Variants in FREM2 observed in about 807,000 individuals in gnomAD.
FREM2 encodes the protein FRAS1-related extracellular matrix protein 2.
A neutral mutation model predicts 219.9 loss-of-function variants in FREM2; 119 were observed. The ratio of observed to expected loss-of-function variants is 0.54; its 90% CI spans 0.47 to 0.63. The LOEUF (loss-of-function observed/expected upper bound fraction) is 0.63. Among genes scored for constraint, FREM2 ranks in the 30% least tolerant of loss-of-function variants. The pLI is 0.00. For synonymous variants in FREM2, 1,562 were observed against 1,522.8 expected (o/e 1.03, Z -0.60); for missense variants, 4,030 against 3,993.6 (o/e 1.01, Z -0.25).
chr13:38,814,450 T>A (rs890146518), intron 6 of FREM2, among the ~76,000 whole-genome samples: 27 of 152,270 alleles, frequency 1.8e-4, no homozygotes, highest in African/African-American at 6.3e-4. Context: ...CCAGAGCAGT[T>A]CTCTGGATTA....
rs1388137785 is a variant in FREM2, at chr13:38,846,697, G to A, written c.6144G>A (p.Arg2048=). ...CTTCTAGTGTCACAGTGAGGTCTCG[G>A]AAAACAGATCCTCCCTCTGCAGATG... ...SKSSSVTVRS[R]KTDPPSADAG... The change falls in exon 7 of 24, where the codon CGG becomes CGA. Residue 2048 remains arginine (R), a synonymous_variant. Coordinates refer to ENST00000280481, the MANE Select transcript of FREM2 (RefSeq NM_207361.6). 1.9e-6 allele frequency: 3 copies of A among 1,613,774 alleles called. No individual in the cohort carries two copies. Among genetic ancestry groups the A allele is most frequent in the Non-Finnish European group, 2.5e-6 (3 of 1,179,772 alleles).
In FREM2 at chr13:38,687,853, T is replaced by C; in HGVS notation, c.509T>C (p.Leu170Pro). Reference sequence around the variant, plus strand: ...GGGGCAGTAGTGCTACCACTGGTACTGGAGGTGGAGGTGGTCTTCACCCAG... The same window carrying C: ...GGGGCAGTAGTGCTACCACTGGTACCGGAGGTGGAGGTGGTCTTCACCCAG... ...PGGAVVLPLV[L>P]EVEVVFTQLE... is the part of the protein sequence containing the mutation. The change falls in exon 1 of 24, where the codon CTG (leucine) becomes CCG (proline). Residue 170 changes from leucine to proline, a missense_variant. By Grantham distance (98) the Leu-to-Pro change is moderately conservative (BLOSUM62 -3). Transcript: ENST00000280481. 3 of 1,563,248 alleles carry C rather than the reference T, an allele frequency of 1.9e-6. No homozygotes were observed. The highest frequency in any genetic ancestry group is 2.6e-6 in the Non-Finnish European group (3 of 1,150,254).
chr13:38,870,229 T>C (rs1878112131), intron 16 of FREM2, among the ~76,000 whole-genome samples: 1 of 152,216 alleles, frequency 6.6e-6, no homozygotes, highest in Non-Finnish European at 1.5e-5. Flanking sequence ...ACTGATACTC[T>C]TTTATATGTA....
intron 1 of FREM2, among the ~76,000 whole-genome samples, chr13:38,695,756 G>A (rs1310089967): frequency 6.6e-6 from 1 of 152,150 alleles, no homozygotes; most frequent in East Asian, 1.9e-4. Flanking sequence ...AAAGAGTTGT[G>A]TAGGGGCTTC....
At chr13:38,879,571 G>A (rs1045694268) in intron 23 of FREM2, among the ~76,000 whole-genome samples, 11 of 152,210 alleles carry the variant, frequency 7.2e-5, no homozygotes, top group African/African-American at 2.2e-4. Context: ...CGAAGCAAGT[G>A]CGGCTTTTAG....
chr13:38,811,285 ATTC>A, intron 6 of FREM2, among the ~76,000 whole-genome samples: 1 of 151,840 alleles, frequency 6.6e-6, no homozygotes, highest in South Asian at 2.1e-4. Context: ...TGTGTATTAT[ATTC>A]TTCATTTCAA....
chr13:38,723,552 G>C lies in FREM2; in HGVS notation c.5263+25765G>C, dbSNP rs114122354. 6.1e-3 allele frequency among the ~76,000 whole-genome samples: 929 copies of C among 152,216 alleles called. 10 individuals carry two copies. The highest frequency in any genetic ancestry group is 0.021 in the African/African-American group (869 of 41,518). ...AAAGATTTTTAGGATCCTTGCTGTG[G>C]GGGGTGCATGACATAATTGTCTCTT... On this transcript the variant is annotated intron_variant, in intron 2 of 23. Coordinates refer to ENST00000280481, the MANE Select transcript of FREM2 (RefSeq NM_207361.6).
chr13:38,817,739 G>A (rs544335994), intron 6 of FREM2, among the ~76,000 whole-genome samples: 1 of 152,118 alleles, frequency 6.6e-6, no homozygotes, highest in African/African-American at 2.4e-5. Flanking sequence ...CTTTTCCATA[G>A]CAACAGAAAC....
intron 18 of FREM2, among the ~76,000 whole-genome samples, chr13:38,874,849 A>G (rs1369200402): frequency 6.6e-6 from 1 of 152,232 alleles, no homozygotes; most frequent in Non-Finnish European, 1.5e-5. Context: ...GTTCATTTTA[A>G]GTAAAGTTTT....
At chr13:38,740,694 T>C (rs1452197104) in intron 2 of FREM2, among the ~76,000 whole-genome samples, 1 of 152,220 alleles carries the variant, frequency 6.6e-6, no homozygotes, top group Non-Finnish European at 1.5e-5. Flanking sequence ...TTAATGTTGA[T>C]CATAATTAAA....
chr13:38,859,836 G>A (rs146007125), intron 14 of FREM2, among the ~76,000 whole-genome samples: 1 of 152,216 alleles, frequency 6.6e-6, no homozygotes, highest in African/African-American at 2.4e-5. Context: ...AAGAAGACAG[G>A]ATCCCTGCTT....
chr13:38,751,045 T>C (rs1468952740), intron 2 of FREM2, among the ~76,000 whole-genome samples: 2 of 152,084 alleles, frequency 1.3e-5, no homozygotes, highest in Non-Finnish European at 2.9e-5. Context: ...TTTTCATCCA[T>C]GGATAAGCAC....
At chr13:38,863,143 G>A (rs1307929448) in intron 15 of FREM2, among the ~76,000 whole-genome samples, 3 of 152,012 alleles carry the variant, frequency 2.0e-5, no homozygotes, top group East Asian at 3.9e-4. Flanking sequence ...TCCACCTCCC[G>A]GGTTCAAGCG....
chr13:38,819,479 G>T (rs1282324349), intron 6 of FREM2, among the ~76,000 whole-genome samples: 1 of 152,134 alleles, frequency 6.6e-6, no homozygotes, highest in Non-Finnish European at 1.5e-5. Flanking sequence ...AGGACATAGG[G>T]CTGGTTCACC....
In FREM2 at chr13:38,859,504, T is replaced by C. The variant is rs1234481022; in HGVS notation, c.7433T>C (p.Val2478Ala). 1 of 1,613,704 alleles carries C rather than the reference T, an allele frequency of 6.2e-7. No homozygotes were observed. Among genetic ancestry groups the C allele is most frequent in the African/African-American group, 1.3e-5 (1 of 74,810 alleles). Reference protein sequence around the residue: ...DSIYFQPGSRVQCAARAVNTN... With the variant: ...DSIYFQPGSRAQCAARAVNTN... ...ATATACTTTCAGCCTGGCTCCCGGG[T>C]ACAGTGCGCAGCTCGTGCTGTGAAC... The change falls in exon 14 of 24, where the codon GTA becomes GCA. Residue 2478 changes from valine (V) to alanine (A), a missense_variant. By Grantham distance (64) the Val-to-Ala change is moderately conservative. Coordinates refer to ENST00000280481, the MANE Select transcript of FREM2 (RefSeq NM_207361.6).
In FREM2 at chr13:38,736,908, T is replaced by C. The variant is rs368986194; in HGVS notation, c.5264-27396T>C. Among the ~76,000 whole-genome samples the C allele has an allele frequency of 1.2e-4, 18 of 152,288 alleles. No individual in the cohort carries two copies. The East Asian group carries it at 2.1e-3, about 18-fold the overall frequency. Reference sequence around the variant, plus strand: ...TTCTTTTTTTTTCTTTCTGTTTTCTTCTTTAAAGCTCACTTTGAGTGGCCT... The same window carrying C: ...TTCTTTTTTTTTCTTTCTGTTTTCTCCTTTAAAGCTCACTTTGAGTGGCCT... On this transcript the variant is annotated intron_variant, in intron 2 of 23. Coordinates refer to ENST00000280481, the MANE Select transcript of FREM2 (RefSeq NM_207361.6).
At chr13:38,816,363 A>G (rs1875763216) in intron 6 of FREM2, among the ~76,000 whole-genome samples, 1 of 152,222 alleles carries the variant, frequency 6.6e-6, no homozygotes, top group Admixed American at 6.5e-5. Context: ...ATCCAACAGC[A>G]TATTAAACAA....
At chr13:38,844,865 A>T (rs1877092537) in intron 6 of FREM2, among the ~76,000 whole-genome samples, 1 of 152,180 alleles carries the variant, frequency 6.6e-6, no homozygotes, top group Non-Finnish European at 1.5e-5. Flanking sequence ...TGGTCAGAAG[A>T]TACATTTTCA....
intron 6 of FREM2, among the ~76,000 whole-genome samples, chr13:38,822,347 CTTTTTTTTTTTTTTTTT>C (rs951562767): frequency 2.0e-5 from 2 of 100,050 alleles, no homozygotes; most frequent in African/African-American, 6.2e-5. Context: ...TTCTTTCTTT[CTTTTTTTTTTTTTTTTT>C]TTTTTTTAAG....
Sources: allele counts gnomAD v4.1 joint callset (sites outside exome capture counted in the v4.1 genomes callset), GRCh38; gene constraint gnomAD v4.1.1; transcripts MANE v1.5; gene names NCBI Gene and HGNC (gene_info 2026-07-23, HGNC 2026-07-21).